The following DSC2 variants were observed in gnomAD, a reference collection of about 807,000 sequenced individuals.
The protein encoded by DSC2 is desmocollin-2.
Under a neutral mutation model 87.6 loss-of-function variants are expected in DSC2, and 51 were observed. The observed-to-expected ratio is 0.58, with a 90% CI of 0.46 to 0.74. The LOEUF is 0.74. DSC2 is among the 30% of genes least tolerant of loss of function. The pLI is 0.00. For missense variants in DSC2, 1,066 were observed against 1,089.5 expected, an observed-to-expected ratio of 0.98 and a Z score of 0.30; for synonymous variants, 383 against 393.2, an observed-to-expected ratio of 0.97 and a Z score of 0.31.
chr18:31,081,831 C>G (rs1176177423), intron 9 of DSC2, among the ~76,000 whole-genome samples: 5 of 152,002 alleles, frequency 3.3e-5, no homozygotes, highest in African/African-American at 1.2e-4. Flanking sequence ...ATATGATGAA[C>G]AAACCTATGA....
At position 31,072,014 on chromosome 18, in the gene DSC2, C is replaced by T. The variant is rs553599693; in HGVS notation, c.1889-173G>A. On this transcript the variant is annotated intron_variant, in intron 12 of 15. Transcript: ENST00000280904. ...ATGGCTAGAGTAGTTCTAATCTATACCCATTGCAAACATATTACATATAAA... is the reference window on the plus strand; with the variant it reads ...ATGGCTAGAGTAGTTCTAATCTATATCCATTGCAAACATATTACATATAAA... 4.5e-4 allele frequency among the ~76,000 whole-genome samples: 69 copies of T among 152,298 alleles called. 1 individual carries two copies. The South Asian group carries it at 0.014, about 31-fold the overall frequency.
rs1234687774 is a variant in DSC2, at chr18:31,102,011, C to G, written c.-40G>C. ...GCAGGTCGCGGGCCGAGCGTCGGGCCGGGGTAGGAGGGCTCCGCGGGGCGA... is the reference window on the plus strand; with the variant it reads ...GCAGGTCGCGGGCCGAGCGTCGGGCGGGGGTAGGAGGGCTCCGCGGGGCGA... On this transcript the variant is annotated 5_prime_UTR_variant, in exon 1 of 16. Transcript: ENST00000280904. 1.3e-5 allele frequency: 19 copies of G among 1,465,956 alleles called. No homozygotes were observed. Among genetic ancestry groups the G allele is most frequent in the Non-Finnish European group, 1.7e-5 (19 of 1,111,240 alleles). The allele number at this position is 1,465,956 out of a possible 1,614,324, so 90.8% of individuals were successfully genotyped here. A position where few individuals can be genotyped will look rare whatever the true frequency, so the allele number is the denominator to read the frequency against.
In DSC2 at chr18:31,067,708, A is replaced by G; in HGVS notation, c.*307T>C. 1 of 318,216 alleles carries G rather than the reference A, an allele frequency of 3.1e-6. No individual in the cohort carries two copies. Among genetic ancestry groups the G allele is most frequent in the Non-Finnish European group, 5.9e-6 (1 of 169,372 alleles). The allele number at this position is 318,216 out of a possible 1,614,324, so 19.7% of individuals were successfully genotyped here. On this transcript the variant is annotated 3_prime_UTR_variant, in exon 16 of 16. Transcript: ENST00000280904. ...TCTATAATAAGGACTTGAATTAATT[A>G]CATTTTATTGCACTATAAATTGGCT... is the stretch of plus-strand genomic sequence containing the variant.
chr18:31,067,786 G>GA lies in DSC2; in HGVS notation c.*228dup. On this transcript the variant is annotated 3_prime_UTR_variant, in exon 16 of 16. Coordinates refer to ENST00000280904, the MANE Select transcript of DSC2 (RefSeq NM_024422.6). The stretch of plus-strand genomic sequence containing the variant: ...TAAGGCAGACTTTAATTTCTCTGTA[G>GA]ACCTCCTTGGATAGAAGATAAGTAA... The GA allele has an allele frequency of 6.1e-6, 3 of 492,760 alleles. No individual in the cohort carries two copies. The South Asian group carries it at 7.1e-5, about 12-fold the overall frequency. 30.5% of individuals were successfully genotyped at this position (492,760 alleles called of 1,614,324 possible).
At chr18:31,078,877 C>T (rs750888189) in intron 11 of DSC2, among the ~76,000 whole-genome samples, 7 of 152,024 alleles carry the variant, frequency 4.6e-5, no homozygotes, top group Non-Finnish European at 8.8e-5. Context: ...ATGCACCAAA[C>T]GCGTCTCATA....
chr18:31,092,978 T>A (rs1310880646), intron 2 of DSC2, among the ~76,000 whole-genome samples: 1 of 152,184 alleles, frequency 6.6e-6, no homozygotes, highest in East Asian at 1.9e-4. Flanking sequence ...TATAATCATG[T>A]TTTCCAAAAA....
chr18:31,098,803 C>A lies in DSC2; in HGVS notation c.69+3100G>T, dbSNP rs139412476. ...ATCCCATTATTGGTAATCTGTCCTA[C>A]TGATACACCTGCCCACATATGAAAT... is the stretch of plus-strand genomic sequence containing the variant. On this transcript the variant is annotated intron_variant, in intron 1 of 15. Transcript: ENST00000280904. Among the ~76,000 whole-genome samples, 1,179 of 152,292 alleles carry A rather than the reference C, an allele frequency of 7.7e-3. 16 individuals are homozygous for A. Among genetic ancestry groups the A allele is most frequent in the African/African-American group, 0.026 (1,097 of 41,574 alleles).
At chr18:31,090,921 C>T in intron 4 of DSC2, 107 bp downstream of exon 4, 1 of 1,455,242 alleles carries the variant, frequency 6.9e-7, no homozygotes, top group Non-Finnish European at 9.6e-7. Flanking sequence ...CATACTCATT[C>T]ACTCACATAT....
intron 14 of DSC2, among the ~76,000 whole-genome samples, 169 bp downstream of exon 14, chr18:31,070,557 T>C (rs559941287): frequency 6.6e-6 from 1 of 152,240 alleles, no homozygotes; most frequent in African/African-American, 2.4e-5. Flanking sequence ...AAATACCATA[T>C]ATCATCATGT....
Position 31,069,063 on chromosome 18 carries a change from C to A in DSC2, c.2339G>T (p.Gly780Val). The A allele has an allele frequency of 6.2e-7, 1 of 1,614,114 alleles. No homozygotes were observed. Among genetic ancestry groups the A allele is most frequent in the Non-Finnish European group, 8.5e-7 (1 of 1,179,998 alleles). ...TTTCACCATTTCGATGGTCTCCTGA[C>A]CTCCGTTTTTGATTCCTGATCCCAC... is the stretch of plus-strand genomic sequence containing the variant. ...GTVGSGIKNG[G>V]QETIEMVKGG... The change falls in exon 15 of 16, where the codon GGT becomes GTT. Residue 780 changes from glycine to valine, a missense_variant. Transcript: ENST00000280904.
At chr18:31,092,324 C>A (rs1482134400) in intron 2 of DSC2, 24 bp from the exon 3 acceptor site, 1 of 1,596,792 alleles carries the variant, frequency 6.3e-7, no homozygotes. Context: ...GCACAGCAAT[C>A]ATTTTTAAAG....
chr18:31,095,454 T>C (rs1160219177), intron 1 of DSC2, among the ~76,000 whole-genome samples: 1 of 152,172 alleles, frequency 6.6e-6, no homozygotes, highest in Non-Finnish European at 1.5e-5. Flanking sequence ...ATCACTCTAC[T>C]AGTTATGTGG....
chr18:31,071,364 C>T (rs1986821160), intron 13 of DSC2, among the ~76,000 whole-genome samples: 1 of 151,876 alleles, frequency 6.6e-6, no homozygotes, highest in Admixed American at 6.6e-5. Context: ...CTGGCCAACA[C>T]AGTGAAATCC....
intron 2 of DSC2, among the ~76,000 whole-genome samples, chr18:31,092,511 A>T (rs1003128041): frequency 6.6e-5 from 10 of 152,226 alleles, no homozygotes; most frequent in African/African-American, 2.4e-4. Flanking sequence ...TCTCTTAAAG[A>T]AGAGACATTT....
chr18:31,069,911 T>C (rs1986768953), intron 14 of DSC2, among the ~76,000 whole-genome samples: 1 of 152,182 alleles, frequency 6.6e-6, no homozygotes. Flanking sequence ...AATTCAGTTA[T>C]ACTTCAACTA....
At position 31,091,116 on chromosome 18, in the gene DSC2, A is replaced by G; in HGVS notation, c.386T>C (p.Val129Ala). The G allele has an allele frequency of 6.2e-7, 1 of 1,614,038 alleles. No homozygotes were observed. Among genetic ancestry groups the G allele is most frequent in the African/African-American group, 1.3e-5 (1 of 75,038 alleles). The change falls in exon 4 of 16, where the codon GTT (valine) becomes GCT (alanine). Residue 129 changes from valine to alanine, a missense_variant. Transcript: ENST00000280904. ...CCATCTTCTCTTGGCGCGCCTTAGA[A>G]CTTTTTCTTTAGTATGTCTTTTCTT... ...VLKKRHTKEK[V>A]LRRAKRRWAP...
At chr18:31,101,420 A>G (rs1987945177) in intron 1 of DSC2, among the ~76,000 whole-genome samples, 1 of 142,162 alleles carries the variant, frequency 7.0e-6, no homozygotes, top group South Asian at 2.1e-4. Context: ...GCTGAGGCAC[A>G]GGGAGCCGCA....
At position 31,061,351 on chromosome 18, in the gene DSC2, T is replaced by C. The variant is rs1986496899; in HGVS notation, c.*6664A>G. On this transcript the variant is annotated 3_prime_UTR_variant, in exon 16 of 16. Transcript: ENST00000280904. ...CTCTCAGCTATGCCCAGATTTTCTG[T>C]AGGGATACAAAGGTACAGTCACAAA... 6.6e-6 allele frequency: 1 copy of C among 152,186 alleles called. No homozygotes were observed. Among genetic ancestry groups the C allele is most frequent in the Non-Finnish European group, 1.5e-5 (1 of 68,044 alleles). 9.4% of individuals were successfully genotyped at this position (152,186 alleles called of 1,614,324 possible).
chr18:31,075,243 G>C (rs1021989762), intron 11 of DSC2, among the ~76,000 whole-genome samples: 1 of 152,148 alleles, frequency 6.6e-6, no homozygotes, highest in Non-Finnish European at 1.5e-5. Flanking sequence ...CAAGGAGATG[G>C]AAACGCACGT....
Sources: allele counts gnomAD v4.1 joint callset (sites outside exome capture counted in the v4.1 genomes callset), GRCh38; gene constraint gnomAD v4.1.1; transcripts MANE v1.5; gene names NCBI Gene and HGNC (gene_info 2026-07-23, HGNC 2026-07-21).